The following LRFN2 variants were observed in gnomAD, a reference collection of about 807,000 sequenced individuals.
LRFN2 encodes the protein leucine-rich repeat and fibronectin type-III domain-containing protein 2.
LRFN2 carries 18 observed loss-of-function variants against 37.3 expected under a neutral mutation model. The observed-to-expected ratio is 0.48, with a 90% confidence interval of 0.33 to 0.72. LRFN2 has a LOEUF of 0.72. LRFN2 is among the 30% of genes least tolerant of loss of function. The pLI, the probability that LRFN2 is intolerant of heterozygous loss-of-function variation, is 0.02. For missense variants in LRFN2, 1,006 were observed against 1,060.7 expected (o/e 0.95, Z 0.72); for synonymous variants, 556 against 466.6 (o/e 1.19, Z -2.47).
rs549327294 is a variant in LRFN2 at position 40,499,738 on chromosome 6, G to A, written c.-18-66607C>T. Among the ~76,000 whole-genome samples, 10 of 152,240 alleles carry A rather than the reference G, an allele frequency of 6.6e-5. 1 individual carries two copies. In the East Asian group the frequency reaches 7.8e-4, roughly 12 times the overall value. On this transcript the variant is annotated intron_variant, in intron 1 of 2. Transcript: ENST00000338305. ...GACCCACTCCCCCTTAGAGTGTGGC[G>A]AGTTTGTGCTGCAAGGTCAGAGGCT...
intron 2 of LRFN2, among the ~76,000 whole-genome samples, chr6:40,414,336 C>A (rs1031007681): frequency 2.3e-4 from 35 of 152,222 alleles, no homozygotes; most frequent in African/African-American, 8.4e-4. Flanking sequence ...CAAATTCCAG[C>A]TGGGACACCT....
Position 40,432,981 on chromosome 6 carries a change from A to G in LRFN2, c.133T>C (p.Phe45Leu), listed in dbSNP as rs1763547689. The change falls in exon 2 of 3, where the codon TTT becomes CTT. Residue 45 changes from phenylalanine to leucine, a missense_variant. By Grantham distance (22) the Phe-to-Leu change is conservative. Around this residue, in one of 4 missense-constraint regions of LRFN2, gnomAD observed 185 missense variants for 254.9 expected, o/e 0.73. Transcript: ENST00000338305. ...GTLCPSKGLL[F>L]VPPDIDRRTV... is the part of the protein sequence containing the mutation. ...CGCCGGTCAATATCAGGGGGTACAA[A>G]GAGCAGCCCCTTGGAGGGGCACAGG... The G allele has an allele frequency of 6.2e-7, 1 of 1,612,340 alleles. No homozygotes were observed. The highest frequency in any genetic ancestry group is 1.7e-5 in the Admixed American group (1 of 59,932).
intron 1 of LRFN2, among the ~76,000 whole-genome samples, chr6:40,472,500 T>C (rs1764621067): frequency 6.6e-6 from 1 of 152,204 alleles, no homozygotes; most frequent in East Asian, 1.9e-4. Context: ...TTCAGCCTAA[T>C]AAGCCTTCCC....
chr6:40,572,293 T>C (rs1459351395), intron 1 of LRFN2, among the ~76,000 whole-genome samples: 3 of 152,226 alleles, frequency 2.0e-5, no homozygotes, highest in East Asian at 1.9e-4. Flanking sequence ...CAGCATGTAG[T>C]AAGTGCTTAC....
At chr6:40,454,325 T>A (rs1460907687) in intron 1 of LRFN2, among the ~76,000 whole-genome samples, 1 of 152,122 alleles carries the variant, frequency 6.6e-6, no homozygotes, top group Non-Finnish European at 1.5e-5. Context: ...ATAGAAATTT[T>A]AATGCTGTCC....
chr6:40,396,464 G>A (rs1264582408), intron 2 of LRFN2, among the ~76,000 whole-genome samples: 1 of 152,144 alleles, frequency 6.6e-6, no homozygotes, highest in Non-Finnish European at 1.5e-5. Flanking sequence ...ATCATAATGT[G>A]ATGAAGCCAC....
At chr6:40,565,020 T>A (rs1767063050) in intron 1 of LRFN2, among the ~76,000 whole-genome samples, 1 of 152,174 alleles carries the variant, frequency 6.6e-6, no homozygotes, top group African/African-American at 2.4e-5. Context: ...GCCTGTCAGT[T>A]CAACTGAAAG....
chr6:40,480,437 C>G (rs1764801554), intron 1 of LRFN2, among the ~76,000 whole-genome samples: 1 of 152,022 alleles, frequency 6.6e-6, no homozygotes, highest in Non-Finnish European at 1.5e-5. Flanking sequence ...TGCCAGAACA[C>G]CGGTTATTTT....
chr6:40,573,761 C>T (rs575368939), intron 1 of LRFN2, among the ~76,000 whole-genome samples: 28 of 152,182 alleles, frequency 1.8e-4, no homozygotes, highest in African/African-American at 4.8e-4. Context: ...GTGAATCACC[C>T]GAGGTCATGA....
chr6:40,392,544 G>A lies in LRFN2; in HGVS notation c.1769C>T (p.Ala590Val). The change falls in exon 3 of 3, where the codon GCA becomes GTA. Residue 590 changes from alanine (A) to valine (V), a missense_variant. Physicochemically the swap from Ala to Val is moderately conservative, Grantham distance 64. This residue lies in a region of LRFN2 where 398 missense variants were observed against 327.6 expected (regional missense o/e 1.21). Coordinates refer to ENST00000338305, the MANE Select transcript of LRFN2 (RefSeq NM_020737.3). This position sits in a 1 kb window ranked among gnomAD's most constrained non-coding sequence, Gnocchi z 4.7. ...GCCCTGCGGCGGGGCCCCGGCTGGT[G>A]CGCTGCTTGGAGGCGGTGGCTGGGC... Reference protein sequence around the residue: ...NGAQPPPPSSAPAGAPPQGPP... With the variant: ...NGAQPPPPSSVPAGAPPQGPP... 1 of 1,582,802 alleles carries A rather than the reference G, an allele frequency of 6.3e-7. No individual in the cohort carries two copies. Among genetic ancestry groups the A allele is most frequent in the Non-Finnish European group, 8.6e-7 (1 of 1,168,012 alleles).
intron 1 of LRFN2, among the ~76,000 whole-genome samples, chr6:40,544,237 C>T (rs1766610082): frequency 6.6e-6 from 1 of 152,240 alleles, no homozygotes; most frequent in Non-Finnish European, 1.5e-5. Flanking sequence ...CTTCCTGACC[C>T]ACGGAAGTCC....
At chr6:40,415,012 C>T (rs1167136894) in intron 2 of LRFN2, among the ~76,000 whole-genome samples, 1 of 152,166 alleles carries the variant, frequency 6.6e-6, no homozygotes, top group Non-Finnish European at 1.5e-5. Flanking sequence ...CTTTGGTCCA[C>T]ACAGGACACA....
chr6:40,456,885 T>C (rs1473542576), intron 1 of LRFN2, among the ~76,000 whole-genome samples: 3 of 152,106 alleles, frequency 2.0e-5, no homozygotes, highest in Non-Finnish European at 2.9e-5. Context: ...TTGGTTGTAG[T>C]CATTTTGGCA....
chr6:40,503,487 A>G (rs897862007), intron 1 of LRFN2, among the ~76,000 whole-genome samples: 3 of 152,192 alleles, frequency 2.0e-5, no homozygotes, highest in South Asian at 2.1e-4. Flanking sequence ...CCATTGCTGG[A>G]GAAGCCCACA....
chr6:40,394,611 G>A (rs1399818172), intron 2 of LRFN2, among the ~76,000 whole-genome samples: 1 of 152,134 alleles, frequency 6.6e-6, no homozygotes, highest in Non-Finnish European at 1.5e-5. Flanking sequence ...CTTTTGCTGG[G>A]GAAGCCACAC....
At chr6:40,467,567 A>T (rs561642581) in intron 1 of LRFN2, among the ~76,000 whole-genome samples, 5 of 152,184 alleles carry the variant, frequency 3.3e-5, no homozygotes, top group Non-Finnish European at 7.3e-5. Flanking sequence ...ACAGGGCTTT[A>T]CAGGTGAGCT....
At chr6:40,450,237 GCTAGAA>G (rs1458782613) in intron 1 of LRFN2, among the ~76,000 whole-genome samples, 1 of 152,160 alleles carries the variant, frequency 6.6e-6, no homozygotes, top group Non-Finnish European at 1.5e-5. Flanking sequence ...CCTTTCTCAT[GCTAGAA>G]CCACCTGCAT....
chr6:40,513,465 G>A (rs574934840), intron 1 of LRFN2, among the ~76,000 whole-genome samples: 95 of 152,110 alleles, frequency 6.2e-4, no homozygotes, highest in African/African-American at 1.9e-3. Flanking sequence ...AACACCTCAC[G>A]TCAAGTGATC....
intron 1 of LRFN2, among the ~76,000 whole-genome samples, chr6:40,533,374 AAC>A (rs58462773): frequency 0.052 from 7,489 of 142,792 alleles, 214 homozygotes; most frequent in East Asian, 0.078. Flanking sequence ...TCTTGCTCAA[AAC>A]ACACACACAC....
Sources: allele counts gnomAD v4.1 joint callset (sites outside exome capture counted in the v4.1 genomes callset), GRCh38; gene constraint gnomAD v4.1.1; regional missense constraint gnomAD v4.1.1; non-coding constraint Gnocchi (gnomAD v3.1); transcripts MANE v1.5; gene names NCBI Gene and HGNC (gene_info 2026-07-23, HGNC 2026-07-21).